The following ASIC2 variants were observed in gnomAD, a reference collection of about 807,000 sequenced individuals.
ASIC2 encodes acid sensing ion channel subunit 2.
Under a neutral mutation model 57.3 loss-of-function variants are expected in ASIC2, and 25 were observed. The ratio of observed to expected loss-of-function variants is 0.44; its 90% CI spans 0.32 to 0.61. The LOEUF (loss-of-function observed/expected upper bound fraction) is 0.61, where lower values mean the gene tolerates loss of function less well. ASIC2 is among the 20% of genes least tolerant of loss of function. The pLI is 0.06. For missense variants in ASIC2, 641 were observed against 738.1 expected (o/e 0.87, Z 1.52); for synonymous variants, 319 against 307.5 (o/e 1.04, Z -0.39).
chr17:33,761,838 T>C (rs1210882028), intron 1 of ASIC2, among the ~76,000 whole-genome samples: 1 of 40,214 alleles, frequency 2.5e-5, no homozygotes, highest in Non-Finnish European at 7.7e-5. Flanking sequence ...CGCAAGGGCT[T>C]TTTTTTTTTT....
At chr17:33,932,199 G>A (rs899735866) in intron 1 of ASIC2, among the ~76,000 whole-genome samples, 5 of 152,152 alleles carry the variant, frequency 3.3e-5, no homozygotes, top group African/African-American at 1.2e-4. Flanking sequence ...ACCCCAGGCT[G>A]CAGGAGCTCT....
intron 1 of ASIC2, among the ~76,000 whole-genome samples, chr17:33,867,328 A>T (rs17783677): frequency 6.6e-6 from 1 of 152,058 alleles, no homozygotes; most frequent in Non-Finnish European, 1.5e-5. Context: ...ATGCACCAGG[A>T]TCTTCACGGT....
At chr17:34,068,693 G>A (rs1909267949) in intron 1 of ASIC2, among the ~76,000 whole-genome samples, 2 of 152,208 alleles carry the variant, frequency 1.3e-5, no homozygotes, top group African/African-American at 4.8e-5. Context: ...TTATGAGAAT[G>A]TTCATTGTTT....
chr17:33,971,427 G>A (rs868574823), intron 1 of ASIC2, among the ~76,000 whole-genome samples: 5 of 152,142 alleles, frequency 3.3e-5, no homozygotes, highest in Middle Eastern at 3.2e-3. Context: ...TCACACATAT[G>A]CACACACACA....
intron 1 of ASIC2, 51 bp from the exon 2 acceptor site, chr17:33,112,118 G>A (rs764642591): frequency 4.5e-6 from 7 of 1,548,954 alleles, no homozygotes; most frequent in South Asian, 2.5e-5. Flanking sequence ...AACTTCAGAC[G>A]GGGGTCCAGA....
chr17:33,596,234 A>G (rs1904975436), intron 1 of ASIC2, among the ~76,000 whole-genome samples: 1 of 152,064 alleles, frequency 6.6e-6, no homozygotes, highest in African/African-American at 2.4e-5. Context: ...CCTTCCTCTA[A>G]TTATCAACAT....
Position 33,028,828 on chromosome 17 carries a change from T to C in ASIC2, c.988-436A>G, listed in dbSNP as rs567068875. Among the ~76,000 whole-genome samples the C allele has an allele frequency of 4.5e-4, 68 of 152,330 alleles. 1 individual carries two copies. The highest frequency in any genetic ancestry group is 2.1e-4 in the South Asian group (1 of 4,826). The stretch of plus-strand genomic sequence containing the variant: ...AATTCCACCCTCTTGGTTTGAGACA[T>C]TGGAATCCCAGACCTAGACCTGGAG... On this transcript the variant is annotated intron_variant, in intron 3 of 9. Transcript: ENST00000225823.
At chr17:34,097,557 A>AG (rs1261724741) in intron 1 of ASIC2, among the ~76,000 whole-genome samples, 1 of 152,210 alleles carries the variant, frequency 6.6e-6, no homozygotes, top group Non-Finnish European at 1.5e-5. Flanking sequence ...CCATTTCAAT[A>AG]GGGCTGATGT....
chr17:33,562,897 C>T lies in ASIC2; in HGVS notation c.556-450830G>A, dbSNP rs114545730. On this transcript the variant is annotated intron_variant, in intron 1 of 9. Coordinates refer to the ASIC2 transcript ENST00000359872. ...CAGGATAAACTGGGCCTGAGTGTCA[C>T]CCTCTTGATTCATTTTCTGCACTCC... 7.5e-3 allele frequency among the ~76,000 whole-genome samples: 1,135 copies of T among 152,258 alleles called. 16 individuals are homozygous for T. The highest frequency in any genetic ancestry group is 0.027 in the African/African-American group (1,103 of 41,548).
chr17:33,260,509 T>G (rs1024968718), intron 1 of ASIC2, among the ~76,000 whole-genome samples: 1 of 152,208 alleles, frequency 6.6e-6, no homozygotes, highest in East Asian at 1.9e-4. Context: ...TTTTTTTCCC[T>G]GCTGAACCTC....
At chr17:33,427,494 G>C (rs1911257968) in intron 1 of ASIC2, among the ~76,000 whole-genome samples, 1 of 152,168 alleles carries the variant, frequency 6.6e-6, no homozygotes, top group Non-Finnish European at 1.5e-5. Flanking sequence ...CTATGAAAGG[G>C]CTTTGTAAGT....
At position 33,945,764 on chromosome 17, in the gene ASIC2, A is replaced by G. The variant is rs181565085; in HGVS notation, c.555+210214T>C. Among the ~76,000 whole-genome samples the G allele has an allele frequency of 2.0e-5, 3 of 152,288 alleles. No individual in the cohort carries two copies. In the East Asian group the frequency reaches 5.8e-4, roughly 29 times the overall value. ...ATCTGACTCAGCTCCCCACAAAAATACATCAATCCACTTTCCAACGATTTG... is the reference window on the plus strand; with the variant it reads ...ATCTGACTCAGCTCCCCACAAAAATGCATCAATCCACTTTCCAACGATTTG... On this transcript the variant is annotated intron_variant, in intron 1 of 9. Transcript: ENST00000359872.
intron 1 of ASIC2, among the ~76,000 whole-genome samples, chr17:34,010,473 G>T (rs1306352276): frequency 1.3e-5 from 2 of 152,048 alleles, no homozygotes; most frequent in Non-Finnish European, 2.9e-5. Context: ...TTGTTCTCTG[G>T]GACCTTGAGT....
intron 1 of ASIC2, among the ~76,000 whole-genome samples, chr17:34,099,284 A>G (rs182752502): frequency 1.2e-4 from 16 of 138,968 alleles, no homozygotes; most frequent in African/African-American, 1.5e-4. Context: ...GAAAGAAAAG[A>G]AAGGAAGGAA....
At chr17:33,845,614 T>A (rs2141911581) in intron 1 of ASIC2, among the ~76,000 whole-genome samples, 1 of 152,304 alleles carries the variant, frequency 6.6e-6, no homozygotes. Context: ...AGTCTCATAG[T>A]CCTGCTGAGA....
At chr17:33,632,585 T>G (rs1906209780) in intron 1 of ASIC2, among the ~76,000 whole-genome samples, 2 of 152,072 alleles carry the variant, frequency 1.3e-5, no homozygotes, top group Admixed American at 1.3e-4. Context: ...TGGTGCACTC[T>G]TTGATTTTTA....
chr17:34,094,174 G>C (rs1910434098), intron 1 of ASIC2, among the ~76,000 whole-genome samples: 1 of 152,140 alleles, frequency 6.6e-6, no homozygotes, highest in Admixed American at 6.5e-5. Flanking sequence ...GTCACTCTGG[G>C]CAAATAGCAA....
intron 1 of ASIC2, among the ~76,000 whole-genome samples, chr17:33,679,473 G>A (rs897128277): frequency 2.6e-5 from 4 of 152,172 alleles, no homozygotes; most frequent in African/African-American, 9.7e-5. Context: ...TTTCTTGGGG[G>A]CCTACCTTGT....
intron 1 of ASIC2, among the ~76,000 whole-genome samples, chr17:33,383,101 C>G (rs1909549381): frequency 6.6e-6 from 1 of 152,238 alleles, no homozygotes; most frequent in South Asian, 2.1e-4. Context: ...TTCTTCAAGA[C>G]CTACCTCAGA....
Sources: gnomAD v4.1 joint callset for allele counts (sites outside exome capture counted in the v4.1 genomes callset) on GRCh38, gnomAD v4.1.1 for gene constraint, MANE v1.5 for transcripts, NCBI Gene and HGNC (gene_info 2026-07-23, HGNC 2026-07-21) for gene names.